PROX1: variants seen among roughly 807,000 people sequenced by gnomAD.
PROX1 encodes the protein prospero homeobox 1.
A neutral mutation model predicts 58.8 loss-of-function variants in PROX1; 7 were observed. The observed-to-expected ratio is 0.12, with a 90% CI of 0.07 to 0.22. The LOEUF (loss-of-function observed/expected upper bound fraction) is 0.22. Among genes scored for constraint, PROX1 ranks in the 10% least tolerant of loss-of-function variants. PROX1 has a pLI of 1.00. For synonymous variants in PROX1, 350 were observed against 358.3 expected (o/e 0.98, Z 0.26); for missense variants, 675 against 927.8 (o/e 0.73, Z 3.54).
At position 213,989,407 on chromosome 1, in the gene PROX1, G is replaced by A. The variant is rs995351229; in HGVS notation, c.-68+924G>A. 6.6e-5 allele frequency among the ~76,000 whole-genome samples: 10 copies of A among 152,136 alleles called. No individual in the cohort carries two copies. The East Asian group carries it at 1.7e-3, about 27-fold the overall frequency. ...GGATCGCGGGCCGGGTAAGAGTAGG[G>A]GGTTCTTGGGCAGCAGAAATGGGAG... On this transcript the variant is annotated intron_variant, in intron 1 of 4. Coordinates refer to ENST00000366958, the MANE Select transcript of PROX1 (RefSeq NM_001270616.2).
At chr1:214,028,708 A>G (rs1664542082) in intron 4 of PROX1, among the ~76,000 whole-genome samples, 2 of 152,306 alleles carry the variant, frequency 1.3e-5, no homozygotes, top group Non-Finnish European at 2.9e-5. Flanking sequence ...CCTCCCCTGG[A>G]ATGAGAGGGC....
rs776965226 is a variant in PROX1 at position 213,997,965 on chromosome 1, C to T, written c.1430C>T (p.Thr477Met). ...SPLSATTGFTTSTFRHPFPLP... is the reference protein window; with the variant it reads ...SPLSATTGFTMSTFRHPFPLP... ...CTCTCTGCCACCACGGGCTTCACCA[C>T]GTCCACCTTCCGCCACCCCTTCCCC... The change falls in exon 2 of 5, where the codon ACG (threonine) becomes ATG (methionine). Residue 477 changes from threonine (T) to methionine (M), a missense_variant. Coordinates refer to ENST00000366958, the MANE Select transcript of PROX1 (RefSeq NM_001270616.2). This position sits in a 1 kb window ranked among gnomAD's most constrained non-coding sequence, Gnocchi z 7.1. The T allele has an allele frequency of 6.2e-7, 1 of 1,614,052 alleles. No homozygotes were observed. Among genetic ancestry groups the T allele is most frequent in the Admixed American group, 1.7e-5 (1 of 60,014 alleles).
At position 213,997,598 on chromosome 1, in the gene PROX1, G is replaced by A. The variant is rs574586028; in HGVS notation, c.1063G>A (p.Glu355Lys). The A allele has an allele frequency of 1.2e-6, 2 of 1,614,150 alleles. No homozygotes were observed. Among genetic ancestry groups the A allele is most frequent in the Non-Finnish European group, 1.7e-6 (2 of 1,180,034 alleles). Residue 355 changes from glutamate to lysine, a missense_variant, in exon 2 of 5, where the codon GAA (glutamate) becomes AAA (lysine). Physicochemically the swap from Glu to Lys is moderately conservative, Grantham distance 56. Transcript: ENST00000366958. The surrounding 1 kb of genome is among the most constrained non-coding windows in gnomAD (Gnocchi z 7.1). ...ACATTTGGCTGAGACCTTGAAACAG[G>A]AACTGAACACTGCCATGTCGCAAGT... ...GKHLAETLKQ[E>K]LNTAMSQVVD...
At position 214,037,254 on chromosome 1, in the gene PROX1, C is replaced by T. The variant is rs770908121; in HGVS notation, c.*1420C>T. The T allele has an allele frequency of 8.6e-5, 13 of 151,994 alleles. No individual in the cohort carries two copies. The highest frequency in any genetic ancestry group is 1.6e-4 in the Non-Finnish European group (11 of 68,016). The allele number at this position is 151,994 out of a possible 1,614,324, so 9.4% of individuals were successfully genotyped here. On this transcript the variant is annotated 3_prime_UTR_variant, in exon 5 of 5. Transcript: ENST00000366958. The stretch of plus-strand genomic sequence containing the variant: ...TTTTTCTTAGGTGGGTTTTTGTGTC[C>T]AGATGCAGTAAGAATTCATTGTTCA...
intron 4 of PROX1, among the ~76,000 whole-genome samples, chr1:214,016,337 C>T (rs537055000): frequency 2.0e-5 from 3 of 152,118 alleles, no homozygotes; most frequent in African/African-American, 4.8e-5. Context: ...ATTTGGAAGA[C>T]TTTTATTCGC....
Position 213,997,522 on chromosome 1 carries a change from C to T in PROX1, c.987C>T (p.Gly329=). 1 of 1,613,932 alleles carries T rather than the reference C, an allele frequency of 6.2e-7. No individual in the cohort carries two copies. The highest frequency in any genetic ancestry group is 8.5e-7 in the Non-Finnish European group (1 of 1,179,974). The change falls in exon 2 of 5, where the codon GGC becomes GGT. Residue 329 remains glycine (G), a synonymous_variant. Coordinates refer to ENST00000366958, the MANE Select transcript of PROX1 (RefSeq NM_001270616.2). The surrounding 1 kb of genome is among the most constrained non-coding windows in gnomAD (Gnocchi z 7.1). The part of the protein sequence containing the change: ...EMAENKPKRE[G]NNKERDHGPN... ...CTGAAAACAAGCCGAAGCGAGAAGGCAACAACAAAGAAAGAGACCATGGGC... is the reference window on the plus strand; with the variant it reads ...CTGAAAACAAGCCGAAGCGAGAAGGTAACAACAAAGAAAGAGACCATGGGC...
chr1:214,039,166 C>T lies in PROX1; in HGVS notation c.*3332C>T, dbSNP rs1291109489. The T allele has an allele frequency of 2.0e-5, 3 of 151,936 alleles. No individual in the cohort carries two copies. The highest frequency in any genetic ancestry group is 7.3e-5 in the African/African-American group (3 of 41,376). The allele number at this position is 151,936 out of a possible 1,614,324, so 9.4% of individuals were successfully genotyped here. A position where few individuals can be genotyped will look rare whatever the true frequency, so the allele number is the denominator to read the frequency against. ...CCTTTTCCTATCTAGATTTAAGAAC[C>T]TATTTTAGACATTTGTTATGTTTTG... On this transcript the variant is annotated 3_prime_UTR_variant, in exon 5 of 5. Coordinates refer to ENST00000366958, the MANE Select transcript of PROX1 (RefSeq NM_001270616.2).
chr1:214,024,290 G>C (rs970253738), intron 4 of PROX1, among the ~76,000 whole-genome samples: 2 of 152,158 alleles, frequency 1.3e-5, no homozygotes, highest in African/African-American at 4.8e-5. Flanking sequence ...GTTTTGCAAA[G>C]GGTGATTGCA....
chr1:214,021,781 A>G (rs1434184093), intron 4 of PROX1, among the ~76,000 whole-genome samples: 1 of 152,070 alleles, frequency 6.6e-6, no homozygotes, highest in Non-Finnish European at 1.5e-5. Context: ...AGCTGATCAG[A>G]CTCTTGGCAA....
At chr1:214,019,075 A>G (rs1664193183) in intron 4 of PROX1, among the ~76,000 whole-genome samples, 5 of 152,172 alleles carry the variant, frequency 3.3e-5, no homozygotes. Context: ...CTTAAAAGCC[A>G]GACAGCTGTA....
At chr1:214,014,701 G>A (rs1664032729) in intron 4 of PROX1, among the ~76,000 whole-genome samples, 1 of 151,206 alleles carries the variant, frequency 6.6e-6, no homozygotes, top group Admixed American at 6.7e-5. Context: ...TATTCTAACT[G>A]GGCAGAGGCA....
intron 4 of PROX1, among the ~76,000 whole-genome samples, chr1:214,026,394 A>G (rs1170653878): frequency 6.6e-6 from 1 of 152,180 alleles, no homozygotes; most frequent in Non-Finnish European, 1.5e-5. Context: ...GCTCCTAGCA[A>G]GCTAGTACTA....
intron 3 of PROX1, among the ~76,000 whole-genome samples, chr1:214,006,273 C>T (rs114565088): frequency 6.4e-4 from 98 of 152,028 alleles, no homozygotes; most frequent in Middle Eastern, 6.8e-3. Context: ...TTGTTTTGTG[C>T]TTGATGCCCA....
chr1:214,030,006 A>G (rs1664591710), intron 4 of PROX1: 1 of 152,654 alleles, frequency 6.6e-6, no homozygotes, highest in African/African-American at 2.4e-5. Context: ...AGGAGGTGAC[A>G]AAACAGTTAA....
At chr1:213,989,152 G>A (rs2102675336) in intron 1 of PROX1, among the ~76,000 whole-genome samples, 1 of 152,178 alleles carries the variant, frequency 6.6e-6, no homozygotes, top group South Asian at 2.1e-4. Flanking sequence ...GGAGGAGAGA[G>A]GGAGGTGGGG....
chr1:214,033,302 A>G (rs1664722782), intron 4 of PROX1, among the ~76,000 whole-genome samples: 1 of 152,236 alleles, frequency 6.6e-6, no homozygotes, highest in Non-Finnish European at 1.5e-5. Flanking sequence ...TTATTTTAAT[A>G]AATGCCTATA....
intron 2 of PROX1, among the ~76,000 whole-genome samples, chr1:213,998,801 C>A (rs1358665325): frequency 6.6e-6 from 1 of 152,026 alleles, no homozygotes; most frequent in African/African-American, 2.4e-5. Context: ...GAGCGCTTTA[C>A]AAGTGGGAGG....
At chr1:214,001,954 G>A (rs1365907724) in intron 2 of PROX1, among the ~76,000 whole-genome samples, 1 of 152,052 alleles carries the variant, frequency 6.6e-6, no homozygotes, top group Non-Finnish European at 1.5e-5. Flanking sequence ...CTGTCATTAT[G>A]TGAGAGAGTT....
At position 214,041,049 on chromosome 1, in the gene PROX1, A is replaced by T. The variant is rs534914305; in HGVS notation, c.*5215A>T. On this transcript the variant is annotated 3_prime_UTR_variant, in exon 5 of 5. Transcript: ENST00000366958. ...TAAATTTTAAAACAGGAAAAAAAAA[A>T]GTTGTTGTGGGGAGGGTGGGAAAGG... 6.6e-6 allele frequency: 1 copy of T among 152,014 alleles called. No individual in the cohort carries two copies. The highest frequency in any genetic ancestry group is 6.6e-5 in the Admixed American group (1 of 15,258). The allele number at this position is 152,014 out of a possible 1,614,324, so 9.4% of individuals were successfully genotyped here. A position where few individuals can be genotyped will look rare whatever the true frequency, so the allele number is the denominator to read the frequency against.
Sources: gnomAD v4.1 joint callset for allele counts (sites outside exome capture counted in the v4.1 genomes callset) on GRCh38, gnomAD v4.1.1 for gene constraint, Gnocchi (gnomAD v3.1) non-coding constraint, MANE v1.5 for transcripts, NCBI Gene and HGNC (gene_info 2026-07-23, HGNC 2026-07-21) for gene names.